CAGE1: variants seen among roughly 807,000 people sequenced by gnomAD.
CAGE1 encodes the protein cancer-associated gene 1 protein.
CAGE1 carries 66 observed loss-of-function variants against 94.9 expected under a neutral mutation model. The observed-to-expected ratio is 0.70, with a 90% CI of 0.57 to 0.85. The LOEUF (loss-of-function observed/expected upper bound fraction) is 0.85, where lower values mean the gene tolerates loss of function less well. Ranked by LOEUF, CAGE1 falls within the 40% of genes least tolerant of loss-of-function variation. The pLI, the probability that CAGE1 is intolerant of heterozygous loss-of-function variation, is 0.00. For missense variants in CAGE1, 865 were observed against 950.4 expected, an observed-to-expected ratio of 0.91 and a Z score of 1.18; for synonymous variants, 319 against 321.0, an observed-to-expected ratio of 0.99 and a Z score of 0.07.
chr6:7,345,042 A>G (rs189004076), intron 11 of CAGE1, among the ~76,000 whole-genome samples: 2 of 152,342 alleles, frequency 1.3e-5, no homozygotes, highest in Admixed American at 6.5e-5. Context: ...TGCCCAAGCC[A>G]GCAGCGGCAG....
At chr6:7,351,573 G>GAAAAAAAAAAA (rs56766681) in intron 11 of CAGE1, among the ~76,000 whole-genome samples, 1 of 134,598 alleles carries the variant, frequency 7.4e-6, no homozygotes, top group South Asian at 2.3e-4. Context: ...TTTTGGAATA[G>GAAAAAAAAAAA]AAAAAAAAAA....
intron 5 of CAGE1, 71 bp from the exon 6 acceptor site, chr6:7,370,136 G>C: frequency 1.6e-6 from 2 of 1,213,572 alleles, no homozygotes. Flanking sequence ...GTAAAATGCT[G>C]AATAAAATGG....
chr6:7,372,321 AT>A (rs1228032664), intron 5 of CAGE1, among the ~76,000 whole-genome samples: 1 of 152,014 alleles, frequency 6.6e-6, no homozygotes, highest in African/African-American at 2.4e-5. Flanking sequence ...AAAATACAAA[AT>A]TAGCTGGGCA....
chr6:7,378,067 A>C (rs1760814664), intron 4 of CAGE1, among the ~76,000 whole-genome samples: 1 of 152,222 alleles, frequency 6.6e-6, no homozygotes, highest in African/African-American at 2.4e-5. Context: ...CCTTTCCATC[A>C]GTGTAAACTC....
At chr6:7,381,201 G>C (rs1362684738) in intron 3 of CAGE1, among the ~76,000 whole-genome samples, 1 of 152,096 alleles carries the variant, frequency 6.6e-6, no homozygotes, top group Non-Finnish European at 1.5e-5. Flanking sequence ...TTGCAGACAG[G>C]GCCTTTAAAA....
intron 12 of CAGE1, 45 bp from the exon 13 acceptor site, chr6:7,329,933 G>A (rs146015146): frequency 2.4e-6 from 2 of 830,498 alleles, no homozygotes; most frequent in Non-Finnish European, 4.0e-6. Flanking sequence ...AGGAAGGGGG[G>A]ACTGAAATAG....
intron 9 of CAGE1, 93 bp downstream of exon 9, chr6:7,365,375 C>T (rs768125928): frequency 2.0e-6 from 2 of 984,118 alleles, no homozygotes; most frequent in Non-Finnish European, 3.0e-6. Flanking sequence ...TTTTTATAAG[C>T]CAGTTTTTTG....
At chr6:7,338,602 T>G (rs1305038455) in intron 11 of CAGE1, among the ~76,000 whole-genome samples, 2 of 152,176 alleles carry the variant, frequency 1.3e-5, no homozygotes, top group Admixed American at 6.5e-5. Flanking sequence ...TAAGGTAACA[T>G]TCACAGATTC....
chr6:7,370,247 C>A (rs925097360), intron 5 of CAGE1, among the ~76,000 whole-genome samples, 182 bp from the exon 6 acceptor site: 1 of 152,114 alleles, frequency 6.6e-6, no homozygotes, highest in Non-Finnish European at 1.5e-5. Context: ...TTTACTAATT[C>A]TTTTAAAGTA....
chr6:7,368,622 C>G, intron 7 of CAGE1, 66 bp downstream of exon 7: 2 of 847,292 alleles, frequency 2.4e-6, no homozygotes, highest in South Asian at 3.9e-5. Context: ...GTTACTTCTT[C>G]ACTACCTTTT....
chr6:7,356,289 A>G (rs527813722), intron 9 of CAGE1, among the ~76,000 whole-genome samples, 160 bp from the exon 10 acceptor site: 9 of 152,346 alleles, frequency 5.9e-5, no homozygotes, highest in African/African-American at 1.7e-4. Flanking sequence ...GAACCAGATA[A>G]TGGTTGGACT....
intron 12 of CAGE1, among the ~76,000 whole-genome samples, chr6:7,332,491 C>T (rs893507497): frequency 6.6e-6 from 1 of 152,190 alleles, no homozygotes; most frequent in Non-Finnish European, 1.5e-5. Flanking sequence ...TTTTCACACC[C>T]ATTCTTTGTC....
chr6:7,343,645 A>G (rs1042333462), intron 11 of CAGE1, among the ~76,000 whole-genome samples: 16 of 152,202 alleles, frequency 1.1e-4, no homozygotes, highest in Admixed American at 6.5e-4. Context: ...CTCTGTTGGC[A>G]TTCTGTGGAT....
At chr6:7,337,845 T>G (rs978066731) in intron 11 of CAGE1, among the ~76,000 whole-genome samples, 2 of 152,224 alleles carry the variant, frequency 1.3e-5, no homozygotes. Context: ...GCCTTTTGAA[T>G]TTCCATATGA....
intron 11 of CAGE1, chr6:7,342,185 G>A: frequency 1.0e-6 from 1 of 985,496 alleles, no homozygotes; most frequent in South Asian, 1.3e-5. Context: ...TGGGCCCCCT[G>A]CCCATATCTG....
chr6:7,336,459 G>T (rs1266583742), intron 11 of CAGE1, among the ~76,000 whole-genome samples: 1 of 152,158 alleles, frequency 6.6e-6, no homozygotes, highest in Non-Finnish European at 1.5e-5. Flanking sequence ...CAGCACCACT[G>T]AATGGAGTAT....
At chr6:7,374,886 C>G (rs1760681222) in intron 4 of CAGE1, among the ~76,000 whole-genome samples, 3 of 151,660 alleles carry the variant, frequency 2.0e-5, no homozygotes, top group Admixed American at 6.6e-5. Context: ...AAAAATTAGC[C>G]AGGCATGGTA....
chr6:7,354,562 A>C (rs961221959), intron 11 of CAGE1, among the ~76,000 whole-genome samples: 31 of 152,236 alleles, frequency 2.0e-4, no homozygotes, highest in African/African-American at 7.0e-4. Flanking sequence ...AAGAAGCAGC[A>C]TATTAGAAAC....
intron 3 of CAGE1, among the ~76,000 whole-genome samples, chr6:7,380,466 G>A (rs1256600467): frequency 3.3e-5 from 5 of 151,886 alleles, no homozygotes; most frequent in African/African-American, 4.8e-5. Flanking sequence ...GTGAAACCCC[G>A]TATCTACTAA....
Sources: allele counts gnomAD v4.1 joint callset (sites outside exome capture counted in the v4.1 genomes callset), GRCh38; gene constraint gnomAD v4.1.1; transcripts MANE v1.5; gene names NCBI Gene and HGNC (gene_info 2026-07-23, HGNC 2026-07-21).